Variants in CRACD observed in about 807,000 individuals in gnomAD.
The protein encoded by CRACD is capping protein-inhibiting regulator of actin dynamics.
Under a neutral mutation model 106.8 loss-of-function variants are expected in CRACD, and 56 were observed. The observed-to-expected ratio is 0.52, with a 90% CI of 0.42 to 0.66. CRACD has a LOEUF of 0.66. CRACD is among the 30% of genes least tolerant of loss of function. The pLI is 0.00. For synonymous variants in CRACD, 754 were observed against 670.8 expected (o/e 1.12, Z -1.92); for missense variants, 1,730 against 1,623.2 (o/e 1.07, Z -1.13).
intron 7 of CRACD, among the ~76,000 whole-genome samples, chr4:56,313,718 C>T (rs1745308448): frequency 6.6e-6 from 1 of 152,086 alleles, no homozygotes; most frequent in African/African-American, 2.4e-5. Flanking sequence ...TAATGAAGTC[C>T]AAGTCTCTTT....
chr4:56,316,377 CA>C lies in CRACD; in HGVS notation c.2879del (p.Lys960SerfsTer21). ...GGCAGCAAACAAAATGCCACTGGCA[CA>C]AAAGCCAGCACTGGCTCCCAAGCCC... is the stretch of plus-strand genomic sequence containing the variant. The part of the protein sequence containing the change: ...DKAANKMPLA[Q>X]KPALAPKPTS... On this transcript the variant is annotated frameshift_variant, in exon 8 of 11. Coordinates refer to ENST00000682029, the MANE Select transcript of CRACD (RefSeq NM_001393381.1). LOFTEE classifies it high-confidence loss of function. 1.2e-6 allele frequency: 2 copies of C among 1,614,122 alleles called. No individual in the cohort carries two copies. The highest frequency in any genetic ancestry group is 1.7e-6 in the Non-Finnish European group (2 of 1,179,952).
chr4:56,230,197 T>C (rs1052351400), intron 2 of CRACD, among the ~76,000 whole-genome samples: 7 of 152,200 alleles, frequency 4.6e-5, no homozygotes, highest in Non-Finnish European at 1.5e-5. Context: ...CCAGCTGCTT[T>C]ACTGTTTGAC....
intron 2 of CRACD, among the ~76,000 whole-genome samples, chr4:56,264,357 A>C (rs1007079822): frequency 6.6e-6 from 1 of 152,218 alleles, no homozygotes; most frequent in Non-Finnish European, 1.5e-5. Context: ...TCCTTAAAAA[A>C]AAGAGAGAGA....
chr4:56,054,014 G>A (rs759673130), intron 1 of CRACD, among the ~76,000 whole-genome samples: 10 of 152,140 alleles, frequency 6.6e-5, no homozygotes, highest in Middle Eastern at 3.4e-3. Flanking sequence ...TGTTTTATGC[G>A]TATTTATTAA....
At position 56,281,425 on chromosome 4, in the gene CRACD, C is replaced by T. The variant is rs1035817900; in HGVS notation, c.-17+8933C>T. Reference sequence around the variant, plus strand: ...AAGGTTGGGGACTGCTGAGGTATAGCGATTCTTAGAGATACAATATGTGGT... The same window carrying T: ...AAGGTTGGGGACTGCTGAGGTATAGTGATTCTTAGAGATACAATATGTGGT... On this transcript the variant is annotated intron_variant, in intron 3 of 10. Transcript: ENST00000682029. 1.1e-4 allele frequency among the ~76,000 whole-genome samples: 17 copies of T among 152,148 alleles called. 1 individual carries two copies. The highest frequency in any genetic ancestry group is 3.4e-3 in the Middle Eastern group (1 of 294).
At chr4:56,189,017 C>T (rs1260446333) in intron 2 of CRACD, among the ~76,000 whole-genome samples, 1 of 152,078 alleles carries the variant, frequency 6.6e-6, no homozygotes, top group Non-Finnish European at 1.5e-5. Flanking sequence ...AACCCCATGT[C>T]TACTAAAAAT....
chr4:56,104,953 C>G (rs1733896994), intron 1 of CRACD, among the ~76,000 whole-genome samples: 1 of 131,842 alleles, frequency 7.6e-6, no homozygotes, highest in Non-Finnish European at 1.6e-5. Flanking sequence ...GGCGACAGAG[C>G]AAGACTCCGT....
chr4:56,138,571 A>G (rs900624264), intron 1 of CRACD, among the ~76,000 whole-genome samples: 2 of 152,158 alleles, frequency 1.3e-5, no homozygotes, highest in Non-Finnish European at 2.9e-5. Context: ...GTTTCCATTA[A>G]AATTGTTTAT....
At chr4:56,306,648 C>G (rs1022527083) in intron 4 of CRACD, among the ~76,000 whole-genome samples, 5 of 152,164 alleles carry the variant, frequency 3.3e-5, no homozygotes, top group African/African-American at 1.2e-4. Context: ...GCAATTTTAC[C>G]CCCCAGGGGA....
chr4:56,094,020 T>A (rs1360042614), intron 1 of CRACD, among the ~76,000 whole-genome samples: 4 of 152,208 alleles, frequency 2.6e-5, no homozygotes, highest in African/African-American at 9.6e-5. Context: ...TGTTAGATAG[T>A]CACTAGAAGT....
Position 56,279,680 on chromosome 4 carries a change from T to C in CRACD, c.-17+7188T>C, listed in dbSNP as rs553073432. 1.4e-3 allele frequency among the ~76,000 whole-genome samples: 212 copies of C among 152,268 alleles called. 1 individual carries two copies. Among genetic ancestry groups the C allele is most frequent in the African/African-American group, 4.6e-3 (192 of 41,538 alleles). ...AGAGGATGTGGAGAAATAGGAACAC[T>C]TGTACACTGTTGGTGGGACTGTAAA... is the stretch of plus-strand genomic sequence containing the variant. On this transcript the variant is annotated intron_variant, in intron 3 of 10. Transcript: ENST00000682029.
intron 3 of CRACD, among the ~76,000 whole-genome samples, chr4:56,289,587 C>T (rs1482659310): frequency 1.5e-4 from 23 of 151,998 alleles, no homozygotes; most frequent in African/African-American, 5.3e-4. Context: ...GTGGGAGGAT[C>T]CCTTGAGCCT....
intron 3 of CRACD, among the ~76,000 whole-genome samples, chr4:56,284,429 A>G (rs891954373): frequency 6.6e-6 from 1 of 152,002 alleles, no homozygotes; most frequent in Non-Finnish European, 1.5e-5. Context: ...CACTATTGTC[A>G]GTAAAATCAC....
intron 1 of CRACD, among the ~76,000 whole-genome samples, chr4:56,141,390 A>G (rs1735192435): frequency 6.6e-6 from 1 of 152,112 alleles, no homozygotes; most frequent in Non-Finnish European, 1.5e-5. Flanking sequence ...GCCTGTCACC[A>G]TTGCTTTCAA....
intron 1 of CRACD, among the ~76,000 whole-genome samples, chr4:56,077,203 A>C (rs1025248153): frequency 6.6e-6 from 1 of 152,220 alleles, no homozygotes; most frequent in African/African-American, 2.4e-5. Context: ...ACTTACAATC[A>C]TGGCTGGAAG....
chr4:56,094,751 T>G (rs1222374415), intron 1 of CRACD, among the ~76,000 whole-genome samples: 1 of 152,166 alleles, frequency 6.6e-6, no homozygotes, highest in Admixed American at 6.5e-5. Context: ...TTTTTATATG[T>G]TAACAGAATT....
intron 1 of CRACD, among the ~76,000 whole-genome samples, chr4:56,169,414 G>A (rs1183909798): frequency 3.9e-5 from 6 of 152,134 alleles, no homozygotes; most frequent in South Asian, 4.1e-4. Flanking sequence ...TTGGTGGTCC[G>A]TTTACCTCCC....
chr4:56,104,915 T>C (rs13119109), intron 1 of CRACD, among the ~76,000 whole-genome samples: 18,255 of 144,630 alleles, frequency 0.13, 1,200 homozygotes, highest in East Asian at 0.19. Context: ...TGCAATGAGC[T>C]GAGTTGGCGC....
chr4:56,187,077 A>G (rs1311921560), intron 2 of CRACD, among the ~76,000 whole-genome samples: 2 of 152,104 alleles, frequency 1.3e-5, no homozygotes, highest in Non-Finnish European at 2.9e-5. Flanking sequence ...CAAGAAAAAA[A>G]AAAAACAACC....
Sources: allele counts gnomAD v4.1 joint callset (sites outside exome capture counted in the v4.1 genomes callset), GRCh38; gene constraint gnomAD v4.1.1; transcripts MANE v1.5; gene names NCBI Gene and HGNC (gene_info 2026-07-23, HGNC 2026-07-21).